The following RBFOX1 variants were observed in gnomAD, a reference collection of about 807,000 sequenced individuals.
RBFOX1 encodes RNA binding protein fox-1 homolog 1.
Under a neutral mutation model 57.7 loss-of-function variants are expected in RBFOX1, and 8 were observed. That is an observed-to-expected ratio of 0.14 (90% CI 0.08 to 0.25). RBFOX1 has a LOEUF of 0.25. Among genes scored for constraint, RBFOX1 ranks in the 10% least tolerant of loss-of-function variants. The probability of loss-of-function intolerance (pLI) is 1.00; values close to 1 mark genes in which losing one functional copy is unlikely to be tolerated. For synonymous variants in RBFOX1, 326 were observed against 222.4 expected (o/e 1.47, Z -4.15); for missense variants, 611 against 548.5 (o/e 1.11, Z -1.14).
chr16:6,880,205 G>C (rs2062648385), intron 3 of RBFOX1, among the ~76,000 whole-genome samples: 1 of 142,974 alleles, frequency 7.0e-6, no homozygotes, highest in African/African-American at 2.7e-5. Context: ...AGGTATAAAA[G>C]AGCAAAATTT....
intron 1 of RBFOX1, among the ~76,000 whole-genome samples, chr16:6,280,589 T>C (rs1054555876): frequency 7.9e-5 from 12 of 152,034 alleles, no homozygotes; most frequent in African/African-American, 2.9e-4. Context: ...TTAGACAATG[T>C]AATGTCGCAG....
At chr16:6,343,650 G>T (rs2084902147) in intron 2 of RBFOX1, among the ~76,000 whole-genome samples, 1 of 152,152 alleles carries the variant, frequency 6.6e-6, no homozygotes, top group African/African-American at 2.4e-5. Flanking sequence ...GATGTAGAAA[G>T]TTTTTAAAAA....
chr16:5,574,798 A>G (rs2046400117), intron 2 of RBFOX1, among the ~76,000 whole-genome samples: 1 of 152,034 alleles, frequency 6.6e-6, no homozygotes, highest in Admixed American at 6.6e-5. Context: ...CTTACAGTGA[A>G]CTCTGGAAAG....
At chr16:6,277,661 G>A (rs368552075) in intron 1 of RBFOX1, among the ~76,000 whole-genome samples, 6 of 56,170 alleles carry the variant, frequency 1.1e-4, no homozygotes, top group Admixed American at 4.8e-4. Flanking sequence ...GAAAGACCTT[G>A]TCTCAAAAAA....
intron 4 of RBFOX1, among the ~76,000 whole-genome samples, chr16:7,179,835 A>G (rs955663358): frequency 1.3e-5 from 2 of 152,066 alleles, no homozygotes; most frequent in African/African-American, 4.8e-5. Context: ...CCCAGGTTCA[A>G]GCGATTCTCC....
At chr16:6,818,111 C>A (rs2090500886) in intron 3 of RBFOX1, among the ~76,000 whole-genome samples, 1 of 152,136 alleles carries the variant, frequency 6.6e-6, no homozygotes, top group Non-Finnish European at 1.5e-5. Flanking sequence ...AGATTTTCCA[C>A]CCCTCCCTCT....
At chr16:7,051,289 A>G (rs1045769425) in intron 3 of RBFOX1, among the ~76,000 whole-genome samples, 7 of 152,232 alleles carry the variant, frequency 4.6e-5, no homozygotes, top group African/African-American at 1.4e-4. Flanking sequence ...TGTCCTTAGC[A>G]TAATCATGTA....
rs138916868 is a variant in RBFOX1, at chr16:5,772,500, A to T, written c.319-94803A>T. ...CCCCATCAGTGTAACTTGAAAATTC[A>T]ACCCAATTATATGACCATAAACCTT... is the stretch of plus-strand genomic sequence containing the variant. On this transcript the variant is annotated intron_variant, in intron 3 of 19. Transcript: ENST00000641259. Among the ~76,000 whole-genome samples, 650 of 152,330 alleles carry T rather than the reference A, an allele frequency of 4.3e-3. 6 individuals are homozygous for T. The highest frequency in any genetic ancestry group is 0.015 in the African/African-American group (611 of 41,574).
intron 4 of RBFOX1, among the ~76,000 whole-genome samples, chr16:7,344,101 C>CTTTTT (rs61008217): frequency 7.2e-4 from 65 of 90,502 alleles, no homozygotes; most frequent in East Asian, 1.0e-3. Flanking sequence ...CTCAGCTTTA[C>CTTTTT]TTTTTTTTTT....
At chr16:7,046,050 TA>T (rs1172328202) in intron 3 of RBFOX1, among the ~76,000 whole-genome samples, 3 of 152,224 alleles carry the variant, frequency 2.0e-5, no homozygotes, top group Non-Finnish European at 4.4e-5. Context: ...GTACTGATAT[TA>T]AAATACTTGC....
At chr16:5,518,435 T>G (rs969254699) in intron 2 of RBFOX1, among the ~76,000 whole-genome samples, 3 of 152,196 alleles carry the variant, frequency 2.0e-5, no homozygotes, top group Non-Finnish European at 4.4e-5. Context: ...TCAAGACTAT[T>G]CAGATTTTAC....
At chr16:7,195,264 C>G (rs1270796579) in intron 4 of RBFOX1, among the ~76,000 whole-genome samples, 1 of 152,292 alleles carries the variant, frequency 6.6e-6, no homozygotes, top group African/African-American at 2.4e-5. Flanking sequence ...GAGCCTCATT[C>G]TCTTAAATTA....
rs182451960 is a variant in RBFOX1 at position 5,412,811 on chromosome 16, C to G, written c.220-54405C>G. On this transcript the variant is annotated intron_variant, in intron 1 of 2. Transcript: ENST00000585867. ...GGCACCTACACACATATCCACCAAGCCTGTCACAGCTAGGGCTTCACATTT... is the reference window on the plus strand; with the variant it reads ...GGCACCTACACACATATCCACCAAGGCTGTCACAGCTAGGGCTTCACATTT... Among the ~76,000 whole-genome samples, 806 of 152,324 alleles carry G rather than the reference C, an allele frequency of 5.3e-3. 8 individuals carry two copies. Among genetic ancestry groups the G allele is most frequent in the African/African-American group, 0.018 (766 of 41,570 alleles).
At chr16:7,340,721 C>T (rs1334123700) in intron 4 of RBFOX1, among the ~76,000 whole-genome samples, 3 of 152,192 alleles carry the variant, frequency 2.0e-5, no homozygotes, top group African/African-American at 7.2e-5. Flanking sequence ...TTTGTCATGA[C>T]GTAGACCTCC....
Position 5,997,941 on chromosome 16 carries a change from A to G in RBFOX1, c.351+130606A>G, listed in dbSNP as rs1416932208. On this transcript the variant is annotated intron_variant, in intron 4 of 19. Transcript: ENST00000641259. ...AAATTTGAGTTCCGACATCTCTTGA[A>G]CAATATAAAAATGTGGCTGTTATTC... 2.0e-5 allele frequency among the ~76,000 whole-genome samples: 3 copies of G among 152,204 alleles called. No individual in the cohort carries two copies. The East Asian group carries it at 5.8e-4, about 29-fold the overall frequency.
chr16:7,289,824 C>G (rs543048047), intron 4 of RBFOX1, among the ~76,000 whole-genome samples: 1 of 152,078 alleles, frequency 6.6e-6, no homozygotes, highest in Non-Finnish European at 1.5e-5. Context: ...AATAAGGATC[C>G]AAGACTCAGG....
intron 1 of RBFOX1, among the ~76,000 whole-genome samples, chr16:6,243,880 G>A (rs568188465): frequency 1.3e-5 from 2 of 152,282 alleles, no homozygotes; most frequent in African/African-American, 4.8e-5. Context: ...GATGAAGAGA[G>A]GACGTGTCCA....
chr16:7,598,688 T>C (rs1602968245), intron 9 of RBFOX1, among the ~76,000 whole-genome samples: 1 of 152,214 alleles, frequency 6.6e-6, no homozygotes, highest in Non-Finnish European at 1.5e-5. Flanking sequence ...CATAGTGTTG[T>C]ATACATTTTT....
Position 7,034,409 on chromosome 16 carries a change from C to T in RBFOX1, c.-15-17648C>T, listed in dbSNP as rs139039533. 3.5e-3 allele frequency among the ~76,000 whole-genome samples: 537 copies of T among 152,154 alleles called. 4 individuals carry two copies. The highest frequency in any genetic ancestry group is 5.7e-3 in the Non-Finnish European group (389 of 67,998). On this transcript the variant is annotated intron_variant, in intron 3 of 15. Transcript: ENST00000550418. ...TGGAGATCATCAATGCACCAGGGGT[C>T]TCGGGATGATGAAGAGAGTCGCTGC...
Sources: gnomAD v4.1 joint callset for allele counts (sites outside exome capture counted in the v4.1 genomes callset) on GRCh38, gnomAD v4.1.1 for gene constraint, MANE v1.5 for transcripts, NCBI Gene and HGNC (gene_info 2026-07-23, HGNC 2026-07-21) for gene names.